The following RFTN2 variants were observed in gnomAD, a reference collection of about 807,000 sequenced individuals.
RFTN2 encodes the protein raftlin-2.
RFTN2 carries 34 observed loss-of-function variants against 52.7 expected under a neutral mutation model. That is an observed-to-expected ratio of 0.64 (90% CI 0.49 to 0.86). The LOEUF is 0.86. RFTN2 is among the 40% of genes least tolerant of loss of function. RFTN2 has a pLI of 0.00. For synonymous variants in RFTN2, 203 were observed against 217.7 expected, an observed-to-expected ratio of 0.93 and a Z score of 0.59; for missense variants, 536 against 600.1, an observed-to-expected ratio of 0.89 and a Z score of 1.12.
chr2:197,661,500 C>T (rs181611605), intron 1 of RFTN2, among the ~76,000 whole-genome samples: 167 of 152,150 alleles, frequency 1.1e-3, no homozygotes, highest in African/African-American at 3.8e-3. Flanking sequence ...AGTATTCCAC[C>T]ATGTACATAT....
At chr2:197,602,860 T>A (rs1042034189) in intron 7 of RFTN2, among the ~76,000 whole-genome samples, 3 of 152,222 alleles carry the variant, frequency 2.0e-5, no homozygotes, top group Non-Finnish European at 4.4e-5. Flanking sequence ...TAAGAAAATG[T>A]GGCACATATA....
At chr2:197,591,940 C>T (rs924279833) in intron 8 of RFTN2, among the ~76,000 whole-genome samples, 1 of 152,076 alleles carries the variant, frequency 6.6e-6, no homozygotes, top group Non-Finnish European at 1.5e-5. Context: ...ACGCCTCTCC[C>T]TCCACCCCTC....
At chr2:197,657,875 T>C (rs1312996648) in intron 1 of RFTN2, among the ~76,000 whole-genome samples, 1 of 152,190 alleles carries the variant, frequency 6.6e-6, no homozygotes, top group Non-Finnish European at 1.5e-5. Flanking sequence ...TTCTTTCATG[T>C]AATTCCCCTG....
intron 7 of RFTN2, among the ~76,000 whole-genome samples, chr2:197,610,358 A>G (rs2088036130): frequency 6.6e-6 from 1 of 152,030 alleles, no homozygotes; most frequent in Admixed American, 6.5e-5. Context: ...ATTCCTAGGT[A>G]TTTTATTCTC....
chr2:197,633,617 T>A (rs185523922), intron 4 of RFTN2, 101 bp downstream of exon 4: 2 of 883,378 alleles, frequency 2.3e-6, no homozygotes, highest in Non-Finnish European at 3.5e-6. Flanking sequence ...GTCATTATAA[T>A]CTTTAGCAAT....
In RFTN2 at chr2:197,672,043, T is replaced by C. The variant is rs541740723; in HGVS notation, c.139+3277A>G. 2.6e-5 allele frequency among the ~76,000 whole-genome samples: 4 copies of C among 152,334 alleles called. No homozygotes were observed. The South Asian group carries it at 8.3e-4, about 32-fold the overall frequency. ...AAATGGATATACTATAAGAAATCTC[T>C]AGACTATTTTGAATTTTCACTAATA... is the stretch of plus-strand genomic sequence containing the variant. On this transcript the variant is annotated intron_variant, in intron 1 of 8. Transcript: ENST00000295049.
intron 5 of RFTN2, among the ~76,000 whole-genome samples, chr2:197,622,778 C>T (rs1002499705): frequency 2.0e-5 from 3 of 152,190 alleles, no homozygotes; most frequent in Admixed American, 1.3e-4. Context: ...AGCCAATGCT[C>T]ATTTACTATT....
chr2:197,594,796 C>G (rs945645463), intron 8 of RFTN2, among the ~76,000 whole-genome samples: 1 of 152,174 alleles, frequency 6.6e-6, no homozygotes, highest in East Asian at 1.9e-4. Flanking sequence ...ACCTCTCTAC[C>G]GATTTACCTA....
chr2:197,599,142 A>G (rs961939425), intron 7 of RFTN2, among the ~76,000 whole-genome samples: 6 of 151,952 alleles, frequency 3.9e-5, no homozygotes, highest in African/African-American at 9.7e-5. Flanking sequence ...TAGTAGAGAC[A>G]GGGTTTCACC....
At chr2:197,624,909 A>G (rs537785979) in intron 5 of RFTN2, among the ~76,000 whole-genome samples, 135 of 152,246 alleles carry the variant, frequency 8.9e-4, no homozygotes, top group African/African-American at 3.0e-3. Flanking sequence ...AGATCACATC[A>G]CTGTGCTCCA....
At chr2:197,666,219 G>A (rs2089055363) in intron 1 of RFTN2, among the ~76,000 whole-genome samples, 1 of 152,006 alleles carries the variant, frequency 6.6e-6, no homozygotes, top group South Asian at 2.1e-4. Flanking sequence ...TGAGTAGTGG[G>A]GACTACAGGT....
At chr2:197,616,519 C>T (rs990937829) in intron 6 of RFTN2, among the ~76,000 whole-genome samples, 10 of 151,818 alleles carry the variant, frequency 6.6e-5, no homozygotes, top group South Asian at 2.1e-4. Context: ...CTTGAACTCC[C>T]GGGCTCAAGT....
At chr2:197,605,179 C>A (rs1230442392) in intron 7 of RFTN2, among the ~76,000 whole-genome samples, 5 of 151,926 alleles carry the variant, frequency 3.3e-5, no homozygotes, top group Non-Finnish European at 4.4e-5. Context: ...AGCTCCCTCC[C>A]CCTTTACATT....
intron 1 of RFTN2, among the ~76,000 whole-genome samples, chr2:197,664,690 T>C (rs1001224760): frequency 6.6e-6 from 1 of 151,694 alleles, no homozygotes; most frequent in Non-Finnish European, 1.5e-5. Flanking sequence ...GAGGCTGAGG[T>C]GGGAGGATCA....
At chr2:197,659,102 A>T (rs2088936170) in intron 1 of RFTN2, among the ~76,000 whole-genome samples, 1 of 152,196 alleles carries the variant, frequency 6.6e-6, no homozygotes, top group African/African-American at 2.4e-5. Flanking sequence ...TTCAATGCTA[A>T]AAGTTTTGCT....
intron 3 of RFTN2, among the ~76,000 whole-genome samples, chr2:197,640,836 C>G (rs1334479326): frequency 6.6e-6 from 1 of 152,168 alleles, no homozygotes; most frequent in South Asian, 2.1e-4. Flanking sequence ...TGAAATGTAA[C>G]AGCCAAAAAC....
intron 8 of RFTN2, among the ~76,000 whole-genome samples, chr2:197,576,254 C>A (rs1011884680): frequency 6.6e-6 from 1 of 152,096 alleles, no homozygotes; most frequent in Non-Finnish European, 1.5e-5. Context: ...ATTTTGCCCA[C>A]CTCTGCCTCC....
At chr2:197,589,780 T>A (rs1480488672) in intron 8 of RFTN2, among the ~76,000 whole-genome samples, 1 of 152,194 alleles carries the variant, frequency 6.6e-6, no homozygotes, top group African/African-American at 2.4e-5. Flanking sequence ...GATATATGAG[T>A]TTTTCTCTCC....
At chr2:197,616,309 A>ATTTTTTTTTTTTTATTTTATTTT (rs1553601950) in intron 6 of RFTN2, among the ~76,000 whole-genome samples, 1 of 125,040 alleles carries the variant, frequency 8.0e-6, no homozygotes, top group African/African-American at 3.1e-5. Flanking sequence ...ATTTTATTTT[A>ATTTTTTTTTTTTTATTTTATTTT]AAGAGAGGGT....
Sources: allele counts gnomAD v4.1 joint callset (sites outside exome capture counted in the v4.1 genomes callset), GRCh38; gene constraint gnomAD v4.1.1; transcripts MANE v1.5; gene names NCBI Gene and HGNC (gene_info 2026-07-23, HGNC 2026-07-21).